The following SLC24A2 variants were observed in gnomAD, a reference collection of about 807,000 sequenced individuals.
SLC24A2 encodes the protein solute carrier family 24 member 2.
SLC24A2 carries 36 observed loss-of-function variants against 62.0 expected under a neutral mutation model. That is an observed-to-expected ratio of 0.58 (90% CI 0.44 to 0.77). SLC24A2 has a LOEUF of 0.77. SLC24A2 is among the 30% of genes least tolerant of loss of function. SLC24A2 has a pLI of 0.00. For synonymous variants in SLC24A2, 358 were observed against 294.0 expected (o/e 1.22, Z -2.23); for missense variants, 846 against 817.9 (o/e 1.03, Z -0.42).
the SLC24A2 span, among the ~76,000 whole-genome samples, chr9:20,113,807 A>G: frequency 6.6e-6 from 1 of 152,278 alleles, no homozygotes; most frequent in East Asian, 1.9e-4. Flanking sequence ...TTATGCACTG[A>G]CTTCCTCTTT....
At chr9:20,131,142 T>A in the SLC24A2 span, among the ~76,000 whole-genome samples, 1 of 151,236 alleles carries the variant, frequency 6.6e-6, no homozygotes, top group Non-Finnish European at 1.5e-5. Flanking sequence ...GGCTTGCTTT[T>A]CAAAGAAGCA....
At chr9:19,963,338 C>A in the SLC24A2 span, among the ~76,000 whole-genome samples, 259 of 151,536 alleles carry the variant, frequency 1.7e-3, 1 homozygote, top group African/African-American at 5.7e-3. Flanking sequence ...ACACCAAAAG[C>A]AATGGCAACA....
intron 9 of SLC24A2, among the ~76,000 whole-genome samples, chr9:19,525,661 C>A (rs1478776179): frequency 6.6e-6 from 1 of 151,622 alleles, no homozygotes; most frequent in East Asian, 1.9e-4. Flanking sequence ...GCCTCAGCAT[C>A]CCAAAGTGCT....
chr9:19,684,743 A>G (rs188287559), intron 2 of SLC24A2, among the ~76,000 whole-genome samples: 1 of 152,136 alleles, frequency 6.6e-6, no homozygotes, highest in African/African-American at 2.4e-5. Flanking sequence ...TGCAGAGGTG[A>G]GTTCATATCT....
At chr9:20,063,096 G>T in the SLC24A2 span, among the ~76,000 whole-genome samples, 2 of 118,310 alleles carry the variant, frequency 1.7e-5, no homozygotes, top group Non-Finnish European at 3.3e-5. Context: ...ATTCCTCAGG[G>T]ATCTAGAACT....
chr9:20,081,671 C>T, the SLC24A2 span, among the ~76,000 whole-genome samples: 1 of 152,006 alleles, frequency 6.6e-6, no homozygotes, highest in Non-Finnish European at 1.5e-5. Flanking sequence ...GGTCAAAGGG[C>T]ATGTGTTACC....
At chr9:19,710,960 T>C (rs1391489282) in intron 2 of SLC24A2, among the ~76,000 whole-genome samples, 1 of 152,230 alleles carries the variant, frequency 6.6e-6, no homozygotes, top group Non-Finnish European at 1.5e-5. Context: ...GAGAATGTAC[T>C]TAATAAATGC....
chr9:20,049,351 G>A, the SLC24A2 span, among the ~76,000 whole-genome samples: 5 of 152,120 alleles, frequency 3.3e-5, no homozygotes, highest in East Asian at 1.9e-4. Context: ...AAGTTATTGC[G>A]TGACTCCAAT....
At chr9:20,275,378 G>T in the SLC24A2 span, among the ~76,000 whole-genome samples, 1 of 152,214 alleles carries the variant, frequency 6.6e-6, no homozygotes, top group African/African-American at 2.4e-5. Context: ...TTGCCCTGAG[G>T]CCTGGTGGTT....
At chr9:20,261,206 T>C in the SLC24A2 span, among the ~76,000 whole-genome samples, 1 of 152,108 alleles carries the variant, frequency 6.6e-6, no homozygotes. Flanking sequence ...AGCAACCACA[T>C]ATGACTGAGA....
chr9:20,158,598 A>T, the SLC24A2 span, among the ~76,000 whole-genome samples: 1 of 151,680 alleles, frequency 6.6e-6, no homozygotes, highest in Non-Finnish European at 1.5e-5. Context: ...TCTATAATTA[A>T]TTACTCAGTC....
At chr9:20,260,103 A>C in the SLC24A2 span, among the ~76,000 whole-genome samples, 124 of 152,244 alleles carry the variant, frequency 8.1e-4, no homozygotes, top group South Asian at 0.012. Flanking sequence ...CAAATAAATA[A>C]ATAAAAGGTG....
At chr9:20,011,638 A>T in the SLC24A2 span, among the ~76,000 whole-genome samples, 1 of 152,356 alleles carries the variant, frequency 6.6e-6, no homozygotes, top group South Asian at 2.1e-4. Flanking sequence ...TAGAAAGCAT[A>T]TTTAAGGAAG....
chr9:19,832,579 C>T, the SLC24A2 span, among the ~76,000 whole-genome samples: 1 of 152,106 alleles, frequency 6.6e-6, no homozygotes, highest in South Asian at 2.1e-4. Context: ...ACACCTTATA[C>T]AAAAATTAAT....
At chr9:19,838,948 CAG>C in the SLC24A2 span, among the ~76,000 whole-genome samples, 1 of 152,082 alleles carries the variant, frequency 6.6e-6, no homozygotes, top group Non-Finnish European at 1.5e-5. Flanking sequence ...TCAGAGTGAA[CAG>C]GCAACCTACA....
intron 2 of SLC24A2, among the ~76,000 whole-genome samples, chr9:19,784,705 T>G (rs1270390502): frequency 6.6e-6 from 1 of 152,202 alleles, no homozygotes. Context: ...CACATCTGAA[T>G]GCTTGTTTGC....
At chr9:20,228,111 A>C in the SLC24A2 span, among the ~76,000 whole-genome samples, 1 of 152,168 alleles carries the variant, frequency 6.6e-6, no homozygotes, top group Non-Finnish European at 1.5e-5. Context: ...GAAACTGAAA[A>C]AATCCTTCAC....
chr9:20,025,024 T>C, the SLC24A2 span, among the ~76,000 whole-genome samples: 18 of 152,308 alleles, frequency 1.2e-4, no homozygotes, highest in Admixed American at 1.2e-3. Context: ...TCTCAGCCTA[T>C]TGTAAGAAAT....
chr9:19,699,862 T>C (rs753345091), intron 2 of SLC24A2, among the ~76,000 whole-genome samples: 5 of 152,104 alleles, frequency 3.3e-5, no homozygotes, highest in Non-Finnish European at 7.4e-5. Context: ...ATAAACTAAC[T>C]GCTCCTGACT....
Sources: allele counts gnomAD v4.1 joint callset (sites outside exome capture counted in the v4.1 genomes callset), GRCh38; gene constraint gnomAD v4.1.1; transcripts MANE v1.5; gene names NCBI Gene and HGNC (gene_info 2026-07-23, HGNC 2026-07-21).